CALN1: variants seen among roughly 807,000 people sequenced by gnomAD.
CALN1 encodes the protein calcium-binding protein 8.
CALN1 carries 17 observed loss-of-function variants against 30.6 expected under a neutral mutation model. That is an observed-to-expected ratio of 0.56 (90% CI 0.38 to 0.83). CALN1 has a LOEUF of 0.83. Among genes scored for constraint, CALN1 ranks in the 40% least tolerant of loss-of-function variants. The pLI is 0.00. For missense variants in CALN1, 291 were observed against 354.9 expected (o/e 0.82, Z 1.45); for synonymous variants, 156 against 131.4 (o/e 1.19, Z -1.28).
At chr7:72,401,031 A>G (rs1285363612) in intron 2 of CALN1, among the ~76,000 whole-genome samples, 1 of 152,018 alleles carries the variant, frequency 6.6e-6, no homozygotes, top group East Asian at 1.9e-4. Context: ...CTCTCTTTTG[A>G]GCATGCTTTG....
intron 2 of CALN1, among the ~76,000 whole-genome samples, chr7:72,306,927 C>G (rs1799696320): frequency 6.6e-6 from 1 of 152,176 alleles, no homozygotes; most frequent in Admixed American, 6.5e-5. Context: ...TTCGTTGACA[C>G]TCCCAAAACC....
At chr7:72,405,789 T>C (rs546592496) in intron 1 of CALN1, among the ~76,000 whole-genome samples, 1 of 152,134 alleles carries the variant, frequency 6.6e-6, no homozygotes, top group Non-Finnish European at 1.5e-5. Flanking sequence ...ACCATGGAAG[T>C]TGTGATTGGT....
intron 2 of CALN1, among the ~76,000 whole-genome samples, chr7:72,331,722 T>A (rs565154826): frequency 2.6e-5 from 4 of 152,178 alleles, no homozygotes; most frequent in Non-Finnish European, 5.9e-5. Flanking sequence ...AGTTCAGAGG[T>A]ACATGTGCAG....
the CALN1 span, among the ~76,000 whole-genome samples, chr7:72,468,295 T>A: frequency 1.3e-5 from 2 of 152,182 alleles, no homozygotes; most frequent in African/African-American, 4.8e-5. Flanking sequence ...ATGGTAATTC[T>A]GTGTTCAACT....
intron 6 of CALN1, among the ~76,000 whole-genome samples, chr7:71,793,087 C>T (rs966249318): frequency 4.6e-5 from 7 of 151,996 alleles, no homozygotes; most frequent in African/African-American, 1.4e-4. Flanking sequence ...GGTGGATCAC[C>T]TGAGGTCAGG....
chr7:71,862,336 G>A (rs911927915), intron 5 of CALN1, among the ~76,000 whole-genome samples: 2 of 152,126 alleles, frequency 1.3e-5, no homozygotes, highest in Middle Eastern at 6.3e-3. Flanking sequence ...TAATTCCCAC[G>A]TGTCATAGGA....
intron 2 of CALN1, among the ~76,000 whole-genome samples, chr7:72,333,095 A>G (rs1195750760): frequency 1.3e-5 from 2 of 152,134 alleles, no homozygotes; most frequent in Non-Finnish European, 2.9e-5. Context: ...CATATTCTCC[A>G]CGTGTTCTAA....
chr7:72,495,146 G>A, the CALN1 span, among the ~76,000 whole-genome samples: 60 of 152,302 alleles, frequency 3.9e-4, no homozygotes, highest in African/African-American at 1.3e-3. Context: ...TGACCATTGC[G>A]TGATGATTCC....
At chr7:72,472,751 C>T in the CALN1 span, among the ~76,000 whole-genome samples, 8 of 152,158 alleles carry the variant, frequency 5.3e-5, no homozygotes, top group Non-Finnish European at 1.2e-4. Context: ...CACTACACTC[C>T]AGCCTGAGCG....
At chr7:71,792,234 T>C (rs746922839) in intron 6 of CALN1, among the ~76,000 whole-genome samples, 21 of 152,160 alleles carry the variant, frequency 1.4e-4, no homozygotes, top group Admixed American at 5.9e-4. Context: ...AAGTCTGTAA[T>C]AGAAGACTAT....
At chr7:71,845,960 G>A (rs2116533833) in intron 5 of CALN1, among the ~76,000 whole-genome samples, 1 of 152,226 alleles carries the variant, frequency 6.6e-6, no homozygotes, top group East Asian at 1.9e-4. Context: ...GGCTGAAGCA[G>A]GAGAATCACT....
intron 1 of CALN1, among the ~76,000 whole-genome samples, chr7:72,445,320 G>A (rs1159436975): frequency 6.6e-6 from 1 of 152,132 alleles, no homozygotes; most frequent in African/African-American, 2.4e-5. Context: ...CTTCTCCACT[G>A]AACGGTCTGT....
At chr7:72,053,938 C>T (rs867191958) in intron 4 of CALN1, among the ~76,000 whole-genome samples, 6 of 152,228 alleles carry the variant, frequency 3.9e-5, no homozygotes, top group South Asian at 4.1e-4. Context: ...AGTCTCTAAT[C>T]TCATCCAGGT....
chr7:72,171,830 C>A (rs1788990665), intron 3 of CALN1, among the ~76,000 whole-genome samples: 1 of 152,010 alleles, frequency 6.6e-6, no homozygotes, highest in Non-Finnish European at 1.5e-5. Flanking sequence ...ATAATGTTTA[C>A]CATTTAAACA....
chr7:71,861,805 GA>G (rs1447453684), intron 5 of CALN1, among the ~76,000 whole-genome samples: 4 of 147,646 alleles, frequency 2.7e-5, no homozygotes, highest in Non-Finnish European at 6.0e-5. Flanking sequence ...AAAAAAGAGA[GA>G]GAGAGTAATG....
chr7:72,358,671 C>G (rs1217574728), intron 2 of CALN1, among the ~76,000 whole-genome samples: 1 of 152,086 alleles, frequency 6.6e-6, no homozygotes, highest in Non-Finnish European at 1.5e-5. Flanking sequence ...ACATTGGCGG[C>G]CAGGCGCGGT....
intron 1 of CALN1, among the ~76,000 whole-genome samples, chr7:72,421,653 GCTCA>G (rs542038990): frequency 5.8e-4 from 73 of 126,698 alleles, no homozygotes; most frequent in East Asian, 3.5e-3. Context: ...CACAATCTCA[GCTCA>G]CTCACTACAA....
At chr7:72,117,160 A>C (rs1436861434) in intron 3 of CALN1, among the ~76,000 whole-genome samples, 4 of 152,116 alleles carry the variant, frequency 2.6e-5, no homozygotes, top group African/African-American at 7.2e-5. Context: ...AAAAAATTAA[A>C]AACCAAATTA....
chr7:71,954,238 A>G (rs1796846487), intron 5 of CALN1, among the ~76,000 whole-genome samples: 1 of 152,110 alleles, frequency 6.6e-6, no homozygotes, highest in Admixed American at 6.5e-5. Flanking sequence ...GGGGCTGATC[A>G]TGTGAGGTCA....
Sources: allele counts gnomAD v4.1 joint callset (sites outside exome capture counted in the v4.1 genomes callset), GRCh38; gene constraint gnomAD v4.1.1; transcripts MANE v1.5; gene names NCBI Gene and HGNC (gene_info 2026-07-23, HGNC 2026-07-21).